Variants in CR1 observed in about 807,000 individuals in gnomAD.
CR1 encodes complement C3b/C4b receptor 1 (Knops blood group).
CR1 carries 116 observed loss-of-function variants against 187.3 expected under a neutral mutation model. The ratio of observed to expected loss-of-function variants is 0.62; its 90% CI spans 0.53 to 0.72. The LOEUF is 0.72. Among genes scored for constraint, CR1 ranks in the 30% least tolerant of loss-of-function variants. CR1 has a pLI of 0.00. For synonymous variants in CR1, 576 were observed against 747.1 expected (o/e 0.77, Z 3.73); for missense variants, 1,731 against 2,110.7 (o/e 0.82, Z 3.52).
chr1:207,627,925 T>C (rs1355474091), intron 45 of CR1, among the ~76,000 whole-genome samples: 2 of 152,288 alleles, frequency 1.3e-5, no homozygotes, highest in East Asian at 1.9e-4. Flanking sequence ...GGAGCTCTCC[T>C]GGTCTCTTTT....
intron 3 of CR1, among the ~76,000 whole-genome samples, chr1:207,508,528 G>A (rs982311395): frequency 1.4e-4 from 21 of 152,178 alleles, no homozygotes; most frequent in African/African-American, 3.6e-4. Context: ...AAACAGACAC[G>A]CACACAAATA....
chr1:207,632,545 T>A (rs1380808294), intron 46 of CR1, among the ~76,000 whole-genome samples: 2 of 152,214 alleles, frequency 1.3e-5, no homozygotes, highest in East Asian at 3.9e-4. Flanking sequence ...TCCCAGCACT[T>A]TGGGCGGCCG....
At chr1:207,597,133 CAA>C (rs535152842) in intron 35 of CR1, among the ~76,000 whole-genome samples, 1 of 138,020 alleles carries the variant, frequency 7.2e-6, no homozygotes, top group Non-Finnish European at 1.6e-5. Context: ...CTATGTATTA[CAA>C]AAAAAAAAAC....
intron 42 of CR1, among the ~76,000 whole-genome samples, chr1:207,619,376 CAAAAAAAA>C (rs67078800): frequency 9.7e-5 from 9 of 92,660 alleles, no homozygotes; most frequent in African/African-American, 3.0e-4. Context: ...CAGTGAGACT[CAAAAAAAA>C]AAAAAAAAAA....
At chr1:207,607,869 A>G (rs976405214) in intron 36 of CR1, among the ~76,000 whole-genome samples, 2 of 152,164 alleles carry the variant, frequency 1.3e-5, no homozygotes, top group Non-Finnish European at 2.9e-5. Flanking sequence ...ATATTTTTCA[A>G]TGAATCTCCA....
chr1:207,573,915 T>G (rs1660654328), intron 27 of CR1, among the ~76,000 whole-genome samples: 1 of 152,198 alleles, frequency 6.6e-6, no homozygotes, highest in Admixed American at 6.5e-5. Flanking sequence ...GAGTATCACT[T>G]GAGCCCAGGA....
intron 35 of CR1, among the ~76,000 whole-genome samples, chr1:207,605,268 A>G (rs935562851): frequency 3.3e-5 from 5 of 151,416 alleles, no homozygotes; most frequent in African/African-American, 7.3e-5. Context: ...AAAAAAAAAA[A>G]AAAGAAAGAA....
chr1:207,613,248 CAG>C, intron 39 of CR1, among the ~76,000 whole-genome samples: 1 of 152,280 alleles, frequency 6.6e-6, no homozygotes, highest in South Asian at 2.1e-4. Flanking sequence ...CAGATGAAGT[CAG>C]GGGGTCATTC....
intron 27 of CR1, 122 bp from the exon 28 acceptor site, chr1:207,575,473 A>C: frequency 8.3e-7 from 1 of 1,209,970 alleles, no homozygotes; most frequent in Non-Finnish European, 1.2e-6. Context: ...ACAATAGGTA[A>C]AGTTTAGGCT....
At chr1:207,588,268 G>A (rs1449539463) in intron 34 of CR1, among the ~76,000 whole-genome samples, 4 of 152,174 alleles carry the variant, frequency 2.6e-5, no homozygotes, top group Non-Finnish European at 5.9e-5. Flanking sequence ...TCCTGGGTTC[G>A]AGCAAGTCTC....
chr1:207,627,069 A>T (rs773677497), intron 45 of CR1, among the ~76,000 whole-genome samples: 21 of 152,066 alleles, frequency 1.4e-4, no homozygotes, highest in Admixed American at 5.9e-4. Context: ...TAAATAAAAT[A>T]AAACAAGAAA....
At chr1:207,511,274 T>C (rs183114343) in intron 3 of CR1, among the ~76,000 whole-genome samples, 1 of 152,324 alleles carries the variant, frequency 6.6e-6, no homozygotes, top group Admixed American at 6.5e-5. Flanking sequence ...AAGAACTTTG[T>C]GCTATCTTTT....
intron 3 of CR1, among the ~76,000 whole-genome samples, chr1:207,509,531 T>C (rs1433182241): frequency 1.3e-5 from 2 of 152,210 alleles, no homozygotes; most frequent in Non-Finnish European, 2.9e-5. Context: ...TTTAATAAAT[T>C]AAAATATTCT....
chr1:207,636,627 G>A (rs202186082), intron 46 of CR1, among the ~76,000 whole-genome samples: 1 of 151,942 alleles, frequency 6.6e-6, no homozygotes, highest in Non-Finnish European at 1.5e-5. Flanking sequence ...CATTAACAAA[G>A]TTTACTGACT....
At chr1:207,612,440 C>A (rs779311762) in intron 39 of CR1, among the ~76,000 whole-genome samples, 88 of 152,214 alleles carry the variant, frequency 5.8e-4, no homozygotes, top group Non-Finnish European at 1.1e-3. Context: ...AAACTTAAAA[C>A]CAATCAATAG....
At chr1:207,636,474 C>T (rs926159772) in intron 46 of CR1, among the ~76,000 whole-genome samples, 3 of 152,118 alleles carry the variant, frequency 2.0e-5, no homozygotes, top group Non-Finnish European at 4.4e-5. Context: ...TCCAGTCACA[C>T]TGTAACTGGA....
At position 207,496,381 on chromosome 1, in the gene CR1, G is replaced by A; in HGVS notation, c.114G>A (p.Val38=). ...TTGTGGTGCTGCTTGCGCTGCCGGTGGCCTGGGGTGAGAGGCGGGCGGGCG... is the reference window on the plus strand; with the variant it reads ...TTGTGGTGCTGCTTGCGCTGCCGGTAGCCTGGGGTGAGAGGCGGGCGGGCG... ...LAVVVLLALP[V]AWGQCNAPEW... The change falls in exon 1 of 47, where the codon GTG becomes GTA. Residue 38 remains valine (V), a synonymous_variant. Coordinates refer to ENST00000367049, the MANE Select transcript of CR1 (RefSeq NM_000651.6). The A allele has an allele frequency of 6.2e-7, 1 of 1,609,978 alleles. No individual in the cohort carries two copies. Among genetic ancestry groups the A allele is most frequent in the Non-Finnish European group, 8.5e-7 (1 of 1,178,618 alleles).
chr1:207,603,231 T>TAACC (rs2102375433), intron 35 of CR1, among the ~76,000 whole-genome samples: 1 of 152,264 alleles, frequency 6.6e-6, no homozygotes, highest in East Asian at 1.9e-4. Flanking sequence ...CAGTGTCTGG[T>TAACC]AACCACCTTT....
chr1:207,613,391 A>C (rs988645988), intron 39 of CR1, among the ~76,000 whole-genome samples: 1 of 152,168 alleles, frequency 6.6e-6, no homozygotes, highest in African/African-American at 2.4e-5. Context: ...CAGTGTAAAA[A>C]ACCAATTAGG....
Sources: allele counts gnomAD v4.1 joint callset (sites outside exome capture counted in the v4.1 genomes callset), GRCh38; gene constraint gnomAD v4.1.1; transcripts MANE v1.5; gene names NCBI Gene and HGNC (gene_info 2026-07-23, HGNC 2026-07-21).